Variants in CAMTA1 observed in about 807,000 individuals in gnomAD.
The protein encoded by CAMTA1 is calmodulin binding transcription activator 1.
Under a neutral mutation model 170.9 loss-of-function variants are expected in CAMTA1, and 27 were observed. The ratio of observed to expected loss-of-function variants is 0.16; its 90% CI spans 0.12 to 0.22. The LOEUF (loss-of-function observed/expected upper bound fraction) is 0.22. Among genes scored for constraint, CAMTA1 ranks in the 10% least tolerant of loss-of-function variants. The probability of loss-of-function intolerance (pLI) is 1.00; values close to 1 mark genes in which losing one functional copy is unlikely to be tolerated. For synonymous variants in CAMTA1, 833 were observed against 891.5 expected, an observed-to-expected ratio of 0.93 and a Z score of 1.17; for missense variants, 1,619 against 2,217.2, an observed-to-expected ratio of 0.73 and a Z score of 5.42.
chr1:7,623,595 T>C (rs756549148), intron 6 of CAMTA1, among the ~76,000 whole-genome samples: 7 of 152,156 alleles, frequency 4.6e-5, no homozygotes, highest in Non-Finnish European at 1.0e-4. Context: ...GCCTCCTGGG[T>C]TCAAGGGATT....
intron 11 of CAMTA1, among the ~76,000 whole-genome samples, chr1:7,729,468 T>G (rs1185230996): frequency 6.6e-6 from 1 of 152,208 alleles, no homozygotes; most frequent in Non-Finnish European, 1.5e-5. Flanking sequence ...CTTTTGTGTT[T>G]TAGTAAAGTA....
intron 3 of CAMTA1, chr1:6,834,530 T>C: frequency 3.9e-6 from 1 of 254,020 alleles, no homozygotes; most frequent in Non-Finnish European, 7.7e-6. Context: ...ACAGGTCAAC[T>C]TCTGAAGGTG....
chr1:7,442,144 A>G (rs181176122), intron 5 of CAMTA1, among the ~76,000 whole-genome samples: 79 of 152,292 alleles, frequency 5.2e-4, no homozygotes, highest in African/African-American at 1.8e-3. Flanking sequence ...ATCTGCATCA[A>G]AGTGAGATCC....
chr1:7,647,024 A>C (rs897013391), intron 7 of CAMTA1, among the ~76,000 whole-genome samples: 7 of 152,148 alleles, frequency 4.6e-5, no homozygotes, highest in African/African-American at 2.4e-5. Flanking sequence ...GGTGGCTGCA[A>C]ACGGGCCCCT....
At chr1:7,500,767 G>A (rs1477620527) in intron 6 of CAMTA1, among the ~76,000 whole-genome samples, 1 of 152,118 alleles carries the variant, frequency 6.6e-6, no homozygotes, top group Non-Finnish European at 1.5e-5. Flanking sequence ...GAGTCTGCGG[G>A]TGGCTTCAGA....
chr1:7,376,166 C>A (rs1223095248), intron 5 of CAMTA1, among the ~76,000 whole-genome samples: 1 of 152,228 alleles, frequency 6.6e-6, no homozygotes, highest in African/African-American at 2.4e-5. Flanking sequence ...TTTCAAAGTG[C>A]AGAAGTATGA....
chr1:7,737,974 G>A lies in CAMTA1; in HGVS notation c.3674G>A (p.Arg1225His), dbSNP rs756859958. 10 of 1,610,276 alleles carry A rather than the reference G, an allele frequency of 6.2e-6. No homozygotes were observed. The highest frequency in any genetic ancestry group is 2.2e-5 in the East Asian group (1 of 44,748). Residue 1225 changes from arginine to histidine, a missense_variant, in exon 16 of 23, where the codon CGT becomes CAT. By Grantham distance (29) the Arg-to-His change is conservative. Around this residue, in one of 8 missense-constraint regions of CAMTA1, gnomAD observed 370 missense variants for 429.4 expected, o/e 0.86. Transcript: ENST00000303635. Reference protein sequence around the residue: ...ASTNPELRRPRSEPSNYYSSE... With the variant: ...ASTNPELRRPHSEPSNYYSSE... ...TACTTTTCAGAGCTGAGAAGACCTCGTTCTGAACCCTCTAATTACTACAGC... is the reference window on the plus strand; with the variant it reads ...TACTTTTCAGAGCTGAGAAGACCTCATTCTGAACCCTCTAATTACTACAGC...
intron 11 of CAMTA1, among the ~76,000 whole-genome samples, chr1:7,686,820 T>C (rs1334435538): frequency 6.6e-6 from 1 of 151,838 alleles, no homozygotes; most frequent in Admixed American, 6.6e-5. Context: ...GGAGGTGAAG[T>C]GAAGGGCTCT....
chr1:7,655,597 C>T (rs1236148032), intron 7 of CAMTA1, among the ~76,000 whole-genome samples: 1 of 21,492 alleles, frequency 4.7e-5, no homozygotes, highest in South Asian at 2.0e-3. Flanking sequence ...CACCCCTATA[C>T]ACACACCTAT....
At chr1:7,640,988 CAG>C (rs2095756248) in intron 7 of CAMTA1, among the ~76,000 whole-genome samples, 1 of 152,216 alleles carries the variant, frequency 6.6e-6, no homozygotes, top group Non-Finnish European at 1.5e-5. Flanking sequence ...CTCCTGGACT[CAG>C]GGCCTGCCTC....
intron 4 of CAMTA1, among the ~76,000 whole-genome samples, chr1:7,117,345 A>G (rs1644394363): frequency 1.3e-5 from 2 of 152,266 alleles, no homozygotes; most frequent in Admixed American, 1.3e-4. Context: ...TACAGCCAGC[A>G]CAGCACGTTT....
At chr1:7,713,977 T>A (rs1165544740) in intron 11 of CAMTA1, among the ~76,000 whole-genome samples, 1 of 152,202 alleles carries the variant, frequency 6.6e-6, no homozygotes, top group Non-Finnish European at 1.5e-5. Flanking sequence ...GGCCAAGTTA[T>A]GAACAGGGGC....
intron 6 of CAMTA1, among the ~76,000 whole-genome samples, chr1:7,607,000 T>C (rs1326150770): frequency 1.3e-5 from 2 of 152,240 alleles, no homozygotes; most frequent in Admixed American, 6.5e-5. Flanking sequence ...CTTCTTTTAA[T>C]ACTCAGAGTG....
intron 4 of CAMTA1, among the ~76,000 whole-genome samples, chr1:7,155,380 G>A (rs1365385408): frequency 2.9e-5 from 3 of 103,366 alleles, no homozygotes; most frequent in African/African-American, 7.2e-5. Flanking sequence ...CTCTGTGAGG[G>A]CACCGTTGGG....
chr1:7,656,788 T>G (rs997779126), intron 7 of CAMTA1, among the ~76,000 whole-genome samples: 1 of 152,256 alleles, frequency 6.6e-6, no homozygotes, highest in Non-Finnish European at 1.5e-5. Context: ...AAATTGTTCA[T>G]CAGAAGATGC....
chr1:7,729,575 CCTT>C (rs760690373), intron 11 of CAMTA1, among the ~76,000 whole-genome samples: 18 of 152,198 alleles, frequency 1.2e-4, no homozygotes, highest in Non-Finnish European at 1.9e-4. Flanking sequence ...AATATTGTCT[CCTT>C]CTGGTAAGAC....
chr1:7,530,795 C>T (rs2094482530), intron 6 of CAMTA1, among the ~76,000 whole-genome samples: 1 of 149,718 alleles, frequency 6.7e-6, no homozygotes, highest in Non-Finnish European at 1.5e-5. Flanking sequence ...AAAGTATGTC[C>T]AGCACTGTGA....
Position 7,634,777 on chromosome 1 carries a change from T to G in CAMTA1, c.511-5623T>G, listed in dbSNP as rs931994781. Reference sequence around the variant, plus strand: ...CCCTCTCAGGAAGCACGTCAGGGCTTTTTTCTGTCTGGGTTTGGTTTTGGT... The same window carrying G: ...CCCTCTCAGGAAGCACGTCAGGGCTGTTTTCTGTCTGGGTTTGGTTTTGGT... On this transcript the variant is annotated intron_variant, in intron 6 of 22. Coordinates refer to ENST00000303635, the MANE Select transcript of CAMTA1 (RefSeq NM_015215.4). This position sits in a 1 kb window ranked among gnomAD's most constrained non-coding sequence, Gnocchi z 6.2. 3.3e-5 allele frequency among the ~76,000 whole-genome samples: 5 copies of G among 151,976 alleles called. No individual in the cohort carries two copies. Among genetic ancestry groups the G allele is most frequent in the Non-Finnish European group, 5.9e-5 (4 of 67,990 alleles).
At chr1:7,347,430 A>G (rs1337973604) in intron 5 of CAMTA1, among the ~76,000 whole-genome samples, 1 of 152,098 alleles carries the variant, frequency 6.6e-6, no homozygotes, top group African/African-American at 2.4e-5. Context: ...TTTGGCTTTG[A>G]TTTGTAAAGA....
Sources: allele counts gnomAD v4.1 joint callset (sites outside exome capture counted in the v4.1 genomes callset), GRCh38; gene constraint gnomAD v4.1.1; regional missense constraint gnomAD v4.1.1; non-coding constraint Gnocchi (gnomAD v3.1); transcripts MANE v1.5; gene names NCBI Gene and HGNC (gene_info 2026-07-23, HGNC 2026-07-21).